RUFY2: variants seen among roughly 807,000 people sequenced by gnomAD.
RUFY2 encodes the protein RUN and FYVE domain-containing protein 2.
RUFY2 carries 49 observed loss-of-function variants against 94.4 expected under a neutral mutation model. That is an observed-to-expected ratio of 0.52 (90% CI 0.41 to 0.66). The LOEUF (loss-of-function observed/expected upper bound fraction) is 0.66, where lower values mean the gene tolerates loss of function less well. Ranked by LOEUF, RUFY2 falls within the 30% of genes least tolerant of loss-of-function variation. RUFY2 has a pLI of 0.00. For missense variants in RUFY2, 541 were observed against 692.8 expected, an observed-to-expected ratio of 0.78 and a Z score of 2.46; for synonymous variants, 255 against 235.7, an observed-to-expected ratio of 1.08 and a Z score of -0.75.
Position 68,343,753 on chromosome 10 carries a change from T to C in RUFY2, c.*2015A>G, listed in dbSNP as rs889815461. On this transcript the variant is annotated 3_prime_UTR_variant, in exon 18 of 18. Coordinates refer to ENST00000602465, the MANE Select transcript of RUFY2 (RefSeq NM_001330103.2). ...GTAACAGAAAAATCCAAAGTTAGTATAGTTTTTAAATAAGCCAAAACTACA... is the reference window on the plus strand; with the variant it reads ...GTAACAGAAAAATCCAAAGTTAGTACAGTTTTTAAATAAGCCAAAACTACA... The C allele has an allele frequency of 2.8e-5, 4 of 143,950 alleles. No homozygotes were observed. Among genetic ancestry groups the C allele is most frequent in the Admixed American group, 7.1e-5 (1 of 14,126 alleles). The allele number at this position is 143,950 out of a possible 1,614,324, so 8.9% of individuals were successfully genotyped here.
At chr10:68,349,911 AAAT>A (rs1589762885) in intron 16 of RUFY2, among the ~76,000 whole-genome samples, 1 of 152,218 alleles carries the variant, frequency 6.6e-6, no homozygotes, top group Non-Finnish European at 1.5e-5. Context: ...AAAAATGAGC[AAAT>A]AATAACCCAC....
At chr10:68,363,006 G>A (rs1284380244) in intron 15 of RUFY2, among the ~76,000 whole-genome samples, 1 of 152,128 alleles carries the variant, frequency 6.6e-6, no homozygotes, top group Non-Finnish European at 1.5e-5. Context: ...CTGTTTTTCT[G>A]AGAAAAATAT....
intron 12 of RUFY2, chr10:68,377,352 C>T (rs1231193489): frequency 9.4e-7 from 1 of 1,063,888 alleles, no homozygotes; most frequent in East Asian, 9.8e-5. Flanking sequence ...TTTATGCCTA[C>T]ACTAGGTGAA....
In RUFY2 at chr10:68,347,140, A is replaced by G. The variant is rs527581230; in HGVS notation, c.1600-1056T>C. ...GACCCTGTCTCAAGAAAAAGAGGGG[A>G]AAAAAAAAGGACCTCACTTTAAAAG... On this transcript the variant is annotated intron_variant, in intron 16 of 17. Transcript: ENST00000602465. Among the ~76,000 whole-genome samples, 81 of 151,250 alleles carry G rather than the reference A, an allele frequency of 5.4e-4. 1 individual carries two copies. Among genetic ancestry groups the G allele is most frequent in the East Asian group, 2.3e-3 (12 of 5,152 alleles).
intron 10 of RUFY2, 116 bp downstream of exon 10, chr10:68,383,682 G>A: frequency 1.4e-6 from 1 of 731,584 alleles, no homozygotes; most frequent in South Asian, 1.6e-5. Flanking sequence ...TAAGGGGTGA[G>A]CTTGCTACAT....
chr10:68,360,500 T>A (rs2047382538), intron 15 of RUFY2, among the ~76,000 whole-genome samples: 1 of 152,014 alleles, frequency 6.6e-6, no homozygotes. Flanking sequence ...TCCCAGCACT[T>A]TGGGAGGCCG....
chr10:68,390,385 C>T (rs2049885184), intron 7 of RUFY2, among the ~76,000 whole-genome samples: 1 of 152,026 alleles, frequency 6.6e-6, no homozygotes. Flanking sequence ...ATTCATAATC[C>T]TATCACCCAG....
At chr10:68,389,790 G>A (rs754196391) in intron 7 of RUFY2, among the ~76,000 whole-genome samples, 12 of 150,130 alleles carry the variant, frequency 8.0e-5, no homozygotes, top group Non-Finnish European at 1.3e-4. Flanking sequence ...AAGAGCTCTC[G>A]TCTCAAAAAA....
chr10:68,388,296 C>G (rs1318942880), intron 7 of RUFY2, among the ~76,000 whole-genome samples: 4 of 151,856 alleles, frequency 2.6e-5, no homozygotes, highest in African/African-American at 9.7e-5. Context: ...AACCCTGTCT[C>G]TACTAAAAAT....
At chr10:68,376,282 C>G (rs2048628809) in intron 13 of RUFY2, among the ~76,000 whole-genome samples, 1 of 148,412 alleles carries the variant, frequency 6.7e-6, no homozygotes, top group Non-Finnish European at 1.5e-5. Flanking sequence ...AAAAAATTAG[C>G]CAGGCGTGGT....
intron 16 of RUFY2, among the ~76,000 whole-genome samples, chr10:68,348,814 C>A (rs1230531469): frequency 6.6e-6 from 1 of 152,186 alleles, no homozygotes; most frequent in Non-Finnish European, 1.5e-5. Context: ...TCTCATTTTA[C>A]ACATGAGAAA....
chr10:68,374,487 T>A (rs923342002), intron 13 of RUFY2, among the ~76,000 whole-genome samples: 1 of 152,120 alleles, frequency 6.6e-6, no homozygotes, highest in African/African-American at 2.4e-5. Context: ...GTCCTGAATA[T>A]GTAGGCACCA....
downstream of RUFY2, chr10:68,342,442 A>C (rs1310212182): frequency 6.2e-6 from 1 of 161,414 alleles, no homozygotes; most frequent in Non-Finnish European, 1.4e-5. Context: ...GACATCTGGA[A>C]TAGAGCTTGA....
chr10:68,382,443 G>A lies in RUFY2; in HGVS notation c.940-1044C>T, dbSNP rs374432848. On this transcript the variant is annotated intron_variant, in intron 10 of 17. Transcript: ENST00000602465. ...TTTAAGAAATTTATTGGCCTGGTGC[G>A]GTGGCTCATGCAGGTAATCCCAGCA... Among the ~76,000 whole-genome samples the A allele has an allele frequency of 2.4e-4, 36 of 151,628 alleles. No homozygotes were observed. In the South Asian group the frequency reaches 5.6e-3, roughly 24 times the overall value.
chr10:68,345,942 A>C (rs768939469), intron 17 of RUFY2, 31 bp from the exon 18 acceptor site: 28 of 1,612,582 alleles, frequency 1.7e-5, no homozygotes, highest in East Asian at 2.2e-5. Flanking sequence ...AGGGAAAAAA[A>C]CACTTTAAAT....
At chr10:68,356,230 G>A (rs1023133428) in intron 15 of RUFY2, among the ~76,000 whole-genome samples, 4 of 151,964 alleles carry the variant, frequency 2.6e-5, no homozygotes, top group African/African-American at 4.8e-5. Flanking sequence ...TGAGCCAGGC[G>A]CGGTGGCTCA....
At chr10:68,403,958 T>C (rs879928973) in intron 2 of RUFY2, among the ~76,000 whole-genome samples, 4 of 152,082 alleles carry the variant, frequency 2.6e-5, no homozygotes, top group Admixed American at 1.3e-4. Flanking sequence ...ATTACAGGCA[T>C]TAAGCCACCG....
chr10:68,379,571 T>TTA, intron 11 of RUFY2, 50 bp from the exon 12 acceptor site: 1 of 1,208,344 alleles, frequency 8.3e-7, no homozygotes, highest in African/African-American at 1.5e-5. Context: ...GTGTGTGTGT[T>TTA]TGTGTGTGTG....
intron 16 of RUFY2, among the ~76,000 whole-genome samples, chr10:68,351,577 G>A (rs1205155284): frequency 2.0e-5 from 3 of 150,494 alleles, no homozygotes; most frequent in Non-Finnish European, 3.0e-5. Context: ...AGCCTCCCAA[G>A]TAACTGGGAC....
Sources: gnomAD v4.1 joint callset for allele counts (sites outside exome capture counted in the v4.1 genomes callset) on GRCh38, gnomAD v4.1.1 for gene constraint, MANE v1.5 for transcripts, NCBI Gene and HGNC (gene_info 2026-07-23, HGNC 2026-07-21) for gene names.